MAP2K5: variants seen among roughly 807,000 people sequenced by gnomAD.
MAP2K5 encodes mitogen-activated protein kinase kinase 5.
MAP2K5 carries 49 observed loss-of-function variants against 83.1 expected under a neutral mutation model. The ratio of observed to expected loss-of-function variants is 0.59; its 90% CI spans 0.47 to 0.75. MAP2K5 has a LOEUF of 0.75. Among genes scored for constraint, MAP2K5 ranks in the 30% least tolerant of loss-of-function variants. The pLI, the probability that MAP2K5 is intolerant of heterozygous loss-of-function variation, is 0.00. For synonymous variants in MAP2K5, 202 were observed against 191.8 expected (o/e 1.05, Z -0.44); for missense variants, 457 against 557.5 (o/e 0.82, Z 1.82).
At chr15:67,800,792 C>A (rs1305076175) in intron 21 of MAP2K5, among the ~76,000 whole-genome samples, 1 of 152,132 alleles carries the variant, frequency 6.6e-6, no homozygotes, top group Non-Finnish European at 1.5e-5. Flanking sequence ...ATGTGTACGT[C>A]CTAAGTGGAC....
At chr15:67,695,623 A>G (rs186308983) in intron 15 of MAP2K5, among the ~76,000 whole-genome samples, 4 of 152,352 alleles carry the variant, frequency 2.6e-5, no homozygotes, top group East Asian at 1.9e-4. Flanking sequence ...GGACATGACT[A>G]TAAATGAAAC....
rs2085086606 is a variant in MAP2K5 at position 67,577,289 on chromosome 15, G to A, written c.253-3465G>A. Among the ~76,000 whole-genome samples the A allele has an allele frequency of 6.6e-6, 1 of 152,152 alleles. No homozygotes were observed. The highest frequency in any genetic ancestry group is 2.4e-5 in the African/African-American group (1 of 41,422). ...TTATGCTCATTTGGAGGAAACTGAT[G>A]TTTAATAAAGTTAAATGTCTTCCTG... On this transcript the variant is annotated intron_variant, in intron 3 of 21. Transcript: ENST00000178640. The surrounding 1 kb of genome is among the most constrained non-coding windows in gnomAD (Gnocchi z 4.1).
chr15:67,585,499 C>G (rs576363163), intron 4 of MAP2K5, among the ~76,000 whole-genome samples: 13 of 152,194 alleles, frequency 8.5e-5, no homozygotes, highest in Admixed American at 6.5e-4. Context: ...TTTCTCACCC[C>G]GCTTGCTCAC....
At chr15:67,660,176 A>G (rs1003084441) in intron 12 of MAP2K5, among the ~76,000 whole-genome samples, 21 of 26,848 alleles carry the variant, frequency 7.8e-4, no homozygotes, top group Non-Finnish European at 1.6e-3. Context: ...CAGCTGGAGT[A>G]GAAGAAATGT....
chr15:67,611,498 C>T (rs1371343159), intron 8 of MAP2K5, among the ~76,000 whole-genome samples: 1 of 152,114 alleles, frequency 6.6e-6, no homozygotes, highest in South Asian at 2.1e-4. Context: ...TGCCCTTATA[C>T]GTGGAAGATG....
intron 16 of MAP2K5, among the ~76,000 whole-genome samples, chr15:67,714,532 G>T (rs2088785965): frequency 6.7e-6 from 1 of 149,730 alleles, no homozygotes; most frequent in African/African-American, 2.5e-5. Flanking sequence ...TGGTGATTGT[G>T]AACTGGTCCG....
intron 8 of MAP2K5, among the ~76,000 whole-genome samples, chr15:67,624,787 G>A (rs1208242452): frequency 3.6e-5 from 2 of 54,908 alleles, no homozygotes; most frequent in African/African-American, 8.3e-5. Flanking sequence ...CCGCCACCAG[G>A]CCTGGTTAAT....
intron 17 of MAP2K5, among the ~76,000 whole-genome samples, chr15:67,733,813 C>T (rs886925913): frequency 8.5e-5 from 13 of 152,140 alleles, no homozygotes; most frequent in Middle Eastern, 3.2e-3. Flanking sequence ...AATGATATAA[C>T]GACTGGCACC....
intron 21 of MAP2K5, among the ~76,000 whole-genome samples, chr15:67,773,756 C>T (rs1190158853): frequency 6.6e-6 from 1 of 152,118 alleles, no homozygotes; most frequent in Non-Finnish European, 1.5e-5. Context: ...CCCTAAAAAC[C>T]TCTGCAATTT....
rs1180012478 is a variant in MAP2K5 at position 67,748,817 on chromosome 15, G to T, written c.1134+216G>T. Among the ~76,000 whole-genome samples the T allele has an allele frequency of 7.2e-5, 11 of 152,122 alleles. No homozygotes were observed. Among genetic ancestry groups the T allele is most frequent in the Non-Finnish European group, 1.5e-4 (10 of 68,028 alleles). On this transcript the variant is annotated intron_variant, in intron 19 of 21. Transcript: ENST00000178640. The surrounding 1 kb of genome is among the most constrained non-coding windows in gnomAD (Gnocchi z 4.0). ...GCAAAAACAGACTATCCCGCAGGCTGGTCCTCAGGGGCATCAGATGCCCTA... is the reference window on the plus strand; with the variant it reads ...GCAAAAACAGACTATCCCGCAGGCTTGTCCTCAGGGGCATCAGATGCCCTA...
chr15:67,619,657 AAC>A (rs2086135445), intron 8 of MAP2K5, among the ~76,000 whole-genome samples: 1 of 152,202 alleles, frequency 6.6e-6, no homozygotes, highest in Admixed American at 6.5e-5. Context: ...AAATAAAGTG[AAC>A]ACCATTTCTG....
intron 12 of MAP2K5, among the ~76,000 whole-genome samples, chr15:67,663,226 T>C (rs1025576471): frequency 1.3e-5 from 2 of 152,328 alleles, no homozygotes; most frequent in Admixed American, 6.5e-5. Context: ...AATACTGTTA[T>C]CTACTCAACA....
At position 67,555,467 on chromosome 15, in the gene MAP2K5, AC is replaced by A. The variant is rs1287475821; in HGVS notation, c.184+5387del. On this transcript the variant is annotated intron_variant, in intron 2 of 21. Coordinates refer to ENST00000178640, the MANE Select transcript of MAP2K5 (RefSeq NM_145160.3). This position sits in a 1 kb window ranked among gnomAD's most constrained non-coding sequence, Gnocchi z 5.2. ...CACTTTGGAGGGGACAAATATTCAAACCATATCATTGTGGAAATAAATTTGT... is the reference window on the plus strand; with the variant it reads ...CACTTTGGAGGGGACAAATATTCAAACATATCATTGTGGAAATAAATTTGT... Among the ~76,000 whole-genome samples the A allele has an allele frequency of 6.9e-6, 1 of 145,058 alleles. No homozygotes were observed. Among genetic ancestry groups the A allele is most frequent in the African/African-American group, 2.7e-5 (1 of 37,346 alleles).
intron 8 of MAP2K5, among the ~76,000 whole-genome samples, chr15:67,621,701 T>TA (rs2086189929): frequency 2.0e-5 from 3 of 151,990 alleles, no homozygotes; most frequent in Non-Finnish European, 4.4e-5. Flanking sequence ...GTCTTAAAAA[T>TA]AAAAACCAAA....
At chr15:67,551,764 C>G (rs890452715) in intron 2 of MAP2K5, among the ~76,000 whole-genome samples, 11 of 151,834 alleles carry the variant, frequency 7.2e-5, no homozygotes, top group African/African-American at 2.4e-4. Context: ...TTTTCAATAG[C>G]AAAAAATTAG....
chr15:67,789,667 A>G (rs577550879), intron 21 of MAP2K5, among the ~76,000 whole-genome samples: 1 of 152,164 alleles, frequency 6.6e-6, no homozygotes, highest in South Asian at 2.1e-4. Flanking sequence ...GTGAGCCGAG[A>G]TCGCACCATT....
rs2087453824 is a variant in MAP2K5, at chr15:67,668,871, G to C, written c.847+4226G>C. Among the ~76,000 whole-genome samples the C allele has an allele frequency of 6.6e-6, 1 of 151,482 alleles. No individual in the cohort carries two copies. The highest frequency in any genetic ancestry group is 2.1e-4 in the South Asian group (1 of 4,822). On this transcript the variant is annotated intron_variant, in intron 13 of 21. Transcript: ENST00000178640. The surrounding 1 kb of genome is among the most constrained non-coding windows in gnomAD (Gnocchi z 4.0). Reference sequence around the variant, plus strand: ...GTGCCAGGAGTTTTTTTGTATATATGAACCTGGTTAGTTTCATTTACTTTC... The same window carrying C: ...GTGCCAGGAGTTTTTTTGTATATATCAACCTGGTTAGTTTCATTTACTTTC...
chr15:67,624,147 G>A (rs1032412855), intron 8 of MAP2K5, among the ~76,000 whole-genome samples: 5 of 151,468 alleles, frequency 3.3e-5, no homozygotes, highest in East Asian at 2.0e-4. Context: ...AGACCATCCT[G>A]GCTAACACAG....
chr15:67,564,566 T>C (rs1217778815), intron 3 of MAP2K5, among the ~76,000 whole-genome samples: 1 of 152,242 alleles, frequency 6.6e-6, no homozygotes, highest in Non-Finnish European at 1.5e-5. Context: ...AACAGAGCAT[T>C]GCATTCCAAC....
Sources: gnomAD v4.1 joint callset for allele counts (sites outside exome capture counted in the v4.1 genomes callset) on GRCh38, gnomAD v4.1.1 for gene constraint, Gnocchi (gnomAD v3.1) non-coding constraint, MANE v1.5 for transcripts, NCBI Gene and HGNC (gene_info 2026-07-23, HGNC 2026-07-21) for gene names.